STK32A: variants seen among roughly 807,000 people sequenced by gnomAD.
STK32A encodes the protein serine/threonine-protein kinase 32A.
STK32A carries 41 observed loss-of-function variants against 53.2 expected under a neutral mutation model. The ratio of observed to expected loss-of-function variants is 0.77; its 90% CI spans 0.60 to 1.00. The LOEUF is 1.00. Among genes scored for constraint, STK32A ranks in the 50% least tolerant of loss-of-function variants. The probability of loss-of-function intolerance (pLI) is 0.00; values close to 1 mark genes in which losing one functional copy is unlikely to be tolerated. For synonymous variants in STK32A, 166 were observed against 162.8 expected (o/e 1.02, Z -0.15); for missense variants, 458 against 485.8 (o/e 0.94, Z 0.54).
At chr5:147,373,821 C>T (rs1223889640) in intron 10 of STK32A, among the ~76,000 whole-genome samples, 1 of 152,072 alleles carries the variant, frequency 6.6e-6, no homozygotes, top group African/African-American at 2.4e-5. Context: ...ATAGCCAAAC[C>T]AATGGACTTC....
intron 8 of STK32A, among the ~76,000 whole-genome samples, chr5:147,366,647 T>C (rs1041206494): frequency 2.0e-5 from 3 of 152,220 alleles, no homozygotes; most frequent in African/African-American, 7.2e-5. Context: ...TTAGAAAATA[T>C]AGAAAACCAC....
intron 5 of STK32A, among the ~76,000 whole-genome samples, chr5:147,334,449 G>A (rs941735897): frequency 6.6e-6 from 1 of 152,098 alleles, no homozygotes; most frequent in Non-Finnish European, 1.5e-5. Context: ...ATTTGTGTTT[G>A]TGCCATTTTT....
chr5:147,325,033 A>C (rs1754511039), intron 5 of STK32A, among the ~76,000 whole-genome samples: 1 of 152,196 alleles, frequency 6.6e-6, no homozygotes, highest in South Asian at 2.1e-4. Flanking sequence ...ACAGCTAACA[A>C]ATAGCGTAGC....
At chr5:147,343,603 T>A in intron 6 of STK32A, among the ~76,000 whole-genome samples, 1 of 152,362 alleles carries the variant, frequency 6.6e-6, no homozygotes, top group Middle Eastern at 3.4e-3. Flanking sequence ...AACTACTTGA[T>A]GCAGTGACTG....
chr5:147,266,894 G>A (rs997096398), intron 2 of STK32A, among the ~76,000 whole-genome samples: 7 of 151,922 alleles, frequency 4.6e-5, no homozygotes, highest in South Asian at 2.1e-4. Flanking sequence ...ATGGTGGTGC[G>A]TGTCTGTAAT....
In STK32A at chr5:147,385,564, A is replaced by G. The variant is rs1381283474; in HGVS notation, c.*1581A>G. On this transcript the variant is annotated 3_prime_UTR_variant, in exon 13 of 13. Coordinates refer to ENST00000397936, the MANE Select transcript of STK32A (RefSeq NM_001112724.2). Reference sequence around the variant, plus strand: ...GCTTACTACAAGAATGGCAGGCAGAATTCCCTACTTATTTAAAATATCACT... The same window carrying G: ...GCTTACTACAAGAATGGCAGGCAGAGTTCCCTACTTATTTAAAATATCACT... 1 of 152,202 alleles carries G rather than the reference A, an allele frequency of 6.6e-6. No homozygotes were observed. Among genetic ancestry groups the G allele is most frequent in the Non-Finnish European group, 1.5e-5 (1 of 68,032 alleles). 9.4% of individuals were successfully genotyped at this position (152,202 alleles called of 1,614,324 possible). A position where few individuals can be genotyped will look rare whatever the true frequency, so the allele number is the denominator to read the frequency against.
At position 147,384,335 on chromosome 5, in the gene STK32A, T is replaced by C. The variant is rs920108179; in HGVS notation, c.*352T>C. On this transcript the variant is annotated 3_prime_UTR_variant, in exon 13 of 13. Coordinates refer to ENST00000397936, the MANE Select transcript of STK32A (RefSeq NM_001112724.2). ...TTATTTTTATTTTAAAATTAATATA[T>C]GAATATAGATTTATTTTTCCACTCC... 22 of 1,459,200 alleles carry C rather than the reference T, an allele frequency of 1.5e-5. No homozygotes were observed. The highest frequency in any genetic ancestry group is 2.0e-5 in the Non-Finnish European group (22 of 1,099,654). The allele number at this position is 1,459,200 out of a possible 1,614,324, so 90.4% of individuals were successfully genotyped here.
chr5:147,400,420 T>G, the STK32A span, among the ~76,000 whole-genome samples: 2 of 152,230 alleles, frequency 1.3e-5, no homozygotes, highest in Admixed American at 6.5e-5. Context: ...GTACAGGCTA[T>G]TCGTACACTC....
intron 2 of STK32A, among the ~76,000 whole-genome samples, chr5:147,250,941 C>CA (rs71001422): frequency 1.2e-3 from 121 of 101,100 alleles, no homozygotes; most frequent in Middle Eastern, 5.4e-3. Flanking sequence ...GACTCCATCT[C>CA]AAAAAAAAAA....
intron 4 of STK32A, among the ~76,000 whole-genome samples, chr5:147,302,162 G>A (rs1289709538): frequency 6.6e-6 from 1 of 152,176 alleles, no homozygotes; most frequent in East Asian, 1.9e-4. Flanking sequence ...TTAGTATTTA[G>A]TGCAATTCAT....
chr5:147,375,343 T>A, intron 11 of STK32A, 125 bp downstream of exon 11: 2 of 1,273,440 alleles, frequency 1.6e-6, no homozygotes, highest in Non-Finnish European at 1.1e-6. Flanking sequence ...ATAGGAGAAG[T>A]AGATCAGCCG....
intron 7 of STK32A, among the ~76,000 whole-genome samples, chr5:147,352,421 AC>A: frequency 6.6e-6 from 1 of 152,196 alleles, no homozygotes; most frequent in Non-Finnish European, 1.5e-5. Context: ...TAACAAATCA[AC>A]TACAAAAACT....
intron 6 of STK32A, 188 bp downstream of exon 6, chr5:147,343,231 C>A (rs1360813293): frequency 3.9e-6 from 3 of 762,456 alleles, no homozygotes; most frequent in African/African-American, 1.7e-5. Context: ...CAACAATACA[C>A]CCTTAAATCA....
intron 5 of STK32A, among the ~76,000 whole-genome samples, chr5:147,341,261 G>A (rs149651519): frequency 6.6e-5 from 10 of 152,252 alleles, no homozygotes; most frequent in South Asian, 4.2e-4. Context: ...GAAAGAGCCC[G>A]ACACCTGGTT....
intron 5 of STK32A, among the ~76,000 whole-genome samples, chr5:147,341,036 A>G (rs893000082): frequency 1.6e-4 from 24 of 152,244 alleles, no homozygotes; most frequent in African/African-American, 5.5e-4. Context: ...ATAAATAAGA[A>G]AAATGGTGCT....
chr5:147,392,987 G>A, the STK32A span: 1 of 152,214 alleles, frequency 6.6e-6, no homozygotes, highest in Non-Finnish European at 1.5e-5. Flanking sequence ...TATCATGGAT[G>A]TGCCAGGATC....
chr5:147,368,883 A>G (rs1260133238), intron 8 of STK32A, among the ~76,000 whole-genome samples: 1 of 152,174 alleles, frequency 6.6e-6, no homozygotes, highest in East Asian at 1.9e-4. Context: ...TGGCCCAGAA[A>G]CAGTAGGTTG....
downstream of STK32A, among the ~76,000 whole-genome samples, chr5:147,390,581 G>C (rs548354679): frequency 1.3e-4 from 19 of 151,054 alleles, no homozygotes; most frequent in African/African-American, 4.4e-4. Context: ...ATGATCCACA[G>C]AAGAAAAAAA....
Position 147,238,222 on chromosome 5 carries a change from T to G in STK32A, c.-96-1317T>G, listed in dbSNP as rs1438212438. ...AGATCTGAAGATCTGGGCTCATGTT[T>G]CCATGTGGTGACAATCTGTTTGATC... On this transcript the variant is annotated intron_variant, in intron 1 of 12. Transcript: ENST00000397936. 2.0e-5 allele frequency among the ~76,000 whole-genome samples: 3 copies of G among 152,380 alleles called. No individual in the cohort carries two copies. In the East Asian group the frequency reaches 5.8e-4, roughly 29 times the overall value.
Sources: gnomAD v4.1 joint callset for allele counts (sites outside exome capture counted in the v4.1 genomes callset) on GRCh38, gnomAD v4.1.1 for gene constraint, MANE v1.5 for transcripts, NCBI Gene and HGNC (gene_info 2026-07-23, HGNC 2026-07-21) for gene names.